The following PTPRG variants were observed in gnomAD, a reference collection of about 807,000 sequenced individuals.
PTPRG encodes the protein receptor-type tyrosine-protein phosphatase gamma.
A neutral mutation model predicts 165.3 loss-of-function variants in PTPRG; 102 were observed. The ratio of observed to expected loss-of-function variants is 0.62; its 90% CI spans 0.53 to 0.73. The LOEUF is 0.73. PTPRG is among the 30% of genes least tolerant of loss of function. The pLI is 0.00. For synonymous variants in PTPRG, 675 were observed against 669.5 expected (o/e 1.01, Z -0.13); for missense variants, 1,866 against 1,861.4 (o/e 1.00, Z -0.05).
Position 62,176,442 on chromosome 3 carries a change from C to G in PTPRG, c.1033+8279C>G, listed in dbSNP as rs187176315. Among the ~76,000 whole-genome samples, 4 of 152,246 alleles carry G rather than the reference C, an allele frequency of 2.6e-5. No individual in the cohort carries two copies. The East Asian group carries it at 5.8e-4, about 22-fold the overall frequency. Reference sequence around the variant, plus strand: ...GCAATATTTCCATCATCCAAGGGACCGCCATCTTCCACAAGAACTTGCAAG... The same window carrying G: ...GCAATATTTCCATCATCCAAGGGACGGCCATCTTCCACAAGAACTTGCAAG... On this transcript the variant is annotated intron_variant, in intron 8 of 29. Transcript: ENST00000474889.
intron 26 of PTPRG, among the ~76,000 whole-genome samples, chr3:62,279,773 G>A (rs1340624328): frequency 6.6e-6 from 1 of 152,028 alleles, no homozygotes; most frequent in Non-Finnish European, 1.5e-5. Context: ...CTCATTGGAC[G>A]TTGGCTCATT....
At chr3:62,130,827 T>G (rs1703486403) in intron 5 of PTPRG, among the ~76,000 whole-genome samples, 2 of 152,196 alleles carry the variant, frequency 1.3e-5, no homozygotes, top group South Asian at 4.1e-4. Flanking sequence ...CAAGAATGTT[T>G]CACGCTTCAG....
At chr3:62,027,509 G>C (rs1337307952) in intron 4 of PTPRG, among the ~76,000 whole-genome samples, 2 of 152,158 alleles carry the variant, frequency 1.3e-5, no homozygotes, top group Non-Finnish European at 1.5e-5. Context: ...CAGTGTTTGA[G>C]ATCCTGGCTG....
chr3:61,573,547 G>T (rs796546471), intron 1 of PTPRG, among the ~76,000 whole-genome samples: 20 of 152,304 alleles, frequency 1.3e-4, no homozygotes, highest in African/African-American at 4.3e-4. Context: ...TTTAGTACAT[G>T]TTCATTAAGT....
intron 1 of PTPRG, among the ~76,000 whole-genome samples, chr3:61,641,796 G>T (rs1435595026): frequency 6.6e-6 from 1 of 152,192 alleles, no homozygotes; most frequent in Non-Finnish European, 1.5e-5. Flanking sequence ...TATCATTTCA[G>T]TGCCTTTTAG....
intron 4 of PTPRG, among the ~76,000 whole-genome samples, chr3:62,026,899 T>G (rs374558042): frequency 1.2e-5 from 1 of 81,138 alleles, no homozygotes; most frequent in African/African-American, 5.9e-5. Flanking sequence ...AAAAAAGATA[T>G]AAGAAAATTC....
At position 61,722,212 on chromosome 3, in the gene PTPRG, G is replaced by T. The variant is rs2032077543; in HGVS notation, c.86-26666G>T. Among the ~76,000 whole-genome samples the T allele has an allele frequency of 2.8e-5, 4 of 141,220 alleles. No individual in the cohort carries two copies. In the South Asian group the frequency reaches 9.1e-4, roughly 32 times the overall value. 92.6% of individuals were successfully genotyped at this position (141,220 alleles called of 152,430 possible). A position where few individuals can be genotyped will look rare whatever the true frequency, so the allele number is the denominator to read the frequency against. Reference sequence around the variant, plus strand: ...AAAGGTGGAAGAGCAAAGAGAGAGGGCAAAACAAATACACACACACACACA... The same window carrying T: ...AAAGGTGGAAGAGCAAAGAGAGAGGTCAAAACAAATACACACACACACACA... On this transcript the variant is annotated intron_variant, in intron 1 of 29. Transcript: ENST00000474889.
At position 61,650,270 on chromosome 3, in the gene PTPRG, T is replaced by C. The variant is rs568772230; in HGVS notation, c.85+87898T>C. Among the ~76,000 whole-genome samples, 8 of 152,336 alleles carry C rather than the reference T, an allele frequency of 5.3e-5. No homozygotes were observed. In the East Asian group the frequency reaches 1.3e-3, roughly 26 times the overall value. ...CCAAGGGTGGGGGCACCATGTACCTTGATCCTAAAAATGTTGAATGCCAGC... is the reference window on the plus strand; with the variant it reads ...CCAAGGGTGGGGGCACCATGTACCTCGATCCTAAAAATGTTGAATGCCAGC... On this transcript the variant is annotated intron_variant, in intron 1 of 29. Coordinates refer to ENST00000474889, the MANE Select transcript of PTPRG (RefSeq NM_002841.4).
chr3:61,599,322 A>G (rs1328661811), intron 1 of PTPRG, among the ~76,000 whole-genome samples: 3 of 151,790 alleles, frequency 2.0e-5, no homozygotes, highest in Admixed American at 6.6e-5. Context: ...TAATTTTTGT[A>G]TGTTTAGTAG....
rs939665112 is a variant in PTPRG at position 61,576,738 on chromosome 3, A to G, written c.85+14366A>G. Among the ~76,000 whole-genome samples, 3 of 152,132 alleles carry G rather than the reference A, an allele frequency of 2.0e-5. No homozygotes were observed. In the East Asian group the frequency reaches 5.8e-4, roughly 29 times the overall value. On this transcript the variant is annotated intron_variant, in intron 1 of 29. Transcript: ENST00000474889. ...AAATAGGTGTGCTGCTACATGGGCA[A>G]TTTTTAAGGTTTGCTTGTCCATAAA...
At chr3:61,817,530 A>G (rs1048364136) in intron 2 of PTPRG, among the ~76,000 whole-genome samples, 165 of 152,314 alleles carry the variant, frequency 1.1e-3, no homozygotes, top group African/African-American at 3.6e-3. Context: ...TAAAGCAACT[A>G]GGAAAGCTAA....
intron 2 of PTPRG, among the ~76,000 whole-genome samples, chr3:61,861,886 A>G (rs1019572554): frequency 2.0e-5 from 3 of 152,188 alleles, no homozygotes; most frequent in Admixed American, 6.5e-5. Flanking sequence ...TTAGAGATGC[A>G]TTATGAGTTG....
At chr3:61,762,456 C>G (rs1294506197) in intron 2 of PTPRG, among the ~76,000 whole-genome samples, 1 of 152,026 alleles carries the variant, frequency 6.6e-6, no homozygotes, top group Non-Finnish European at 1.5e-5. Flanking sequence ...ACTAAAAATA[C>G]AAAAAGTAGC....
intron 1 of PTPRG, among the ~76,000 whole-genome samples, chr3:61,674,312 G>A (rs946339583): frequency 6.6e-5 from 10 of 151,750 alleles, no homozygotes; most frequent in African/African-American, 2.2e-4. Context: ...TTTCAGTTTT[G>A]GATTCTACTG....
intron 5 of PTPRG, among the ~76,000 whole-genome samples, chr3:62,096,036 G>T (rs1376851122): frequency 1.3e-5 from 2 of 152,164 alleles, no homozygotes; most frequent in Admixed American, 6.5e-5. Flanking sequence ...GGACTAACTT[G>T]GTTGGCATTT....
chr3:62,244,910 G>A (rs1701256680), intron 15 of PTPRG, among the ~76,000 whole-genome samples: 1 of 152,184 alleles, frequency 6.6e-6, no homozygotes, highest in South Asian at 2.1e-4. Context: ...CAGAGGTAGA[G>A]TCATTCTTTG....
At chr3:61,784,766 A>G (rs1371694202) in intron 2 of PTPRG, among the ~76,000 whole-genome samples, 3 of 152,194 alleles carry the variant, frequency 2.0e-5, no homozygotes, top group African/African-American at 7.2e-5. Context: ...ATGAATTACA[A>G]TTCTTTTAAA....
intron 2 of PTPRG, among the ~76,000 whole-genome samples, chr3:61,880,989 A>G (rs1197137069): frequency 6.8e-6 from 1 of 146,652 alleles, no homozygotes. Context: ...TATAGCCCCT[A>G]TTAATCTTCA....
Position 61,620,692 on chromosome 3 carries a change from G to A in PTPRG, c.85+58320G>A, listed in dbSNP as rs367972739. Among the ~76,000 whole-genome samples, 74 of 151,988 alleles carry A rather than the reference G, an allele frequency of 4.9e-4. 5 individuals are homozygous for A. The South Asian group carries it at 0.015, about 31-fold the overall frequency. ...CACCCAGGCTGGAGTGCAATAGTGCGATTTTGGCTCACTGCAACCTCCGCC... is the reference window on the plus strand; with the variant it reads ...CACCCAGGCTGGAGTGCAATAGTGCAATTTTGGCTCACTGCAACCTCCGCC... On this transcript the variant is annotated intron_variant, in intron 1 of 29. Coordinates refer to ENST00000474889, the MANE Select transcript of PTPRG (RefSeq NM_002841.4).
Sources: allele counts gnomAD v4.1 joint callset (sites outside exome capture counted in the v4.1 genomes callset), GRCh38; gene constraint gnomAD v4.1.1; transcripts MANE v1.5; gene names NCBI Gene and HGNC (gene_info 2026-07-23, HGNC 2026-07-21).